The following SNX29 variants were observed in gnomAD, a reference collection of about 807,000 sequenced individuals.
SNX29 encodes the protein sorting nexin 29.
Under a neutral mutation model 102.1 loss-of-function variants are expected in SNX29, and 78 were observed. The observed-to-expected ratio is 0.76, with a 90% CI of 0.64 to 0.92. The LOEUF (loss-of-function observed/expected upper bound fraction) is 0.92. SNX29 is among the 40% of genes least tolerant of loss of function. The pLI, the probability that SNX29 is intolerant of heterozygous loss-of-function variation, is 0.00. For missense variants in SNX29, 1,280 were observed against 1,061.7 expected (o/e 1.21, Z -2.86); for synonymous variants, 580 against 414.5 (o/e 1.40, Z -4.85).
chr16:12,227,919 A>G (rs1439143935), intron 14 of SNX29, among the ~76,000 whole-genome samples: 1 of 151,198 alleles, frequency 6.6e-6, no homozygotes, highest in East Asian at 1.9e-4. Context: ...AAAAAAAAAA[A>G]AAAAAAAGAC....
At chr16:12,019,136 C>T (rs115707677) in intron 3 of SNX29, among the ~76,000 whole-genome samples, 1 of 152,216 alleles carries the variant, frequency 6.6e-6, no homozygotes, top group African/African-American at 2.4e-5. Context: ...AGCCCGAATA[C>T]TTTTTTAAAT....
intron 13 of SNX29, among the ~76,000 whole-genome samples, chr16:12,135,398 A>C (rs1481797407): frequency 6.6e-6 from 1 of 152,230 alleles, no homozygotes; most frequent in East Asian, 1.9e-4. Flanking sequence ...AGGGCTCCAG[A>C]GGATGGCAGC....
At chr16:12,423,184 A>G (rs77005250) in intron 18 of SNX29, among the ~76,000 whole-genome samples, 2,524 of 151,838 alleles carry the variant, frequency 0.017, 79 homozygotes, top group African/African-American at 0.058. Context: ...TTACTCACCA[A>G]TGCATGGGGT....
At chr16:12,488,763 A>G (rs748263611) in intron 19 of SNX29, among the ~76,000 whole-genome samples, 13 of 152,130 alleles carry the variant, frequency 8.5e-5, no homozygotes, top group Non-Finnish European at 1.5e-4. Flanking sequence ...ATTTCCATGA[A>G]GACTCTGCCT....
intron 20 of SNX29, among the ~76,000 whole-genome samples, chr16:12,541,052 T>C (rs2077312101): frequency 6.6e-6 from 1 of 152,142 alleles, no homozygotes; most frequent in Non-Finnish European, 1.5e-5. Context: ...CTGGCTGCTA[T>C]TTAGTTTCCT....
At chr16:12,150,272 C>T (rs983763598) in intron 13 of SNX29, among the ~76,000 whole-genome samples, 1 of 152,142 alleles carries the variant, frequency 6.6e-6, no homozygotes, top group Non-Finnish European at 1.5e-5. Context: ...TGATGATGGT[C>T]AGATCCAAAG....
chr16:12,178,336 A>G lies in SNX29; in HGVS notation c.1596-21265A>G, dbSNP rs561554283. 3.3e-5 allele frequency among the ~76,000 whole-genome samples: 5 copies of G among 152,236 alleles called. No individual in the cohort carries two copies. In the South Asian group the frequency reaches 1.0e-3, roughly 32 times the overall value. ...GGCGCCGGTGCTGGGAGAGGCATGT[A>G]AACTGTTAGCAGCCAGAAGAGGTGG... On this transcript the variant is annotated intron_variant, in intron 13 of 20. Transcript: ENST00000566228.
chr16:12,374,650 C>T (rs1409943055), intron 16 of SNX29: 1 of 152,222 alleles, frequency 6.6e-6, no homozygotes, highest in East Asian at 1.9e-4. Flanking sequence ...GTGTGGGCCT[C>T]TGGGTCATGG....
rs1349324329 is a variant in SNX29, at chr16:12,218,381, CTA to C, written c.1678+18700_1678+18701del. On this transcript the variant is annotated intron_variant, in intron 14 of 20. Coordinates refer to ENST00000566228, the MANE Select transcript of SNX29 (RefSeq NM_032167.5). ...TCTTTTCCAAAAATGGAATTACAGT[CTA>C]TGTCAGGAGTTGGGAAACCATGGCC... Among the ~76,000 whole-genome samples, 122 of 152,322 alleles carry C rather than the reference CTA, an allele frequency of 8.0e-4. 3 individuals are homozygous for C. The South Asian group carries it at 0.025, about 31-fold the overall frequency.
In SNX29 at chr16:12,571,596, A is replaced by G. The variant is rs915423337; in HGVS notation, c.*2967A>G. 15 of 1,060,170 alleles carry G rather than the reference A, an allele frequency of 1.4e-5. No homozygotes were observed. The highest frequency in any genetic ancestry group is 1.5e-5 in the Non-Finnish European group (13 of 875,838). The allele number at this position is 1,060,170 out of a possible 1,614,324, so 65.7% of individuals were successfully genotyped here. On this transcript the variant is annotated 3_prime_UTR_variant, in exon 21 of 21. Coordinates refer to ENST00000566228, the MANE Select transcript of SNX29 (RefSeq NM_032167.5). ...TCTTCATGGCCTGCTGTGCTGAAAC[A>G]GAACAGCAGGTTCCATCTTTCACAT... is the stretch of plus-strand genomic sequence containing the variant.
At chr16:12,368,393 C>G (rs183787707) in intron 16 of SNX29, among the ~76,000 whole-genome samples, 338 of 152,326 alleles carry the variant, frequency 2.2e-3, no homozygotes, top group Non-Finnish European at 3.8e-3. Context: ...ACTTGGTACT[C>G]TATAATGACT....
intron 19 of SNX29, among the ~76,000 whole-genome samples, chr16:12,523,971 C>T (rs2090199107): frequency 6.6e-6 from 1 of 152,162 alleles, no homozygotes. Flanking sequence ...ACCACAGCCT[C>T]TGCCTCCCGG....
At chr16:12,288,928 C>T (rs1334522489) in intron 15 of SNX29, among the ~76,000 whole-genome samples, 5 of 152,136 alleles carry the variant, frequency 3.3e-5, no homozygotes, top group East Asian at 1.9e-4. Context: ...TTCCCATCGC[C>T]CTCTGTGGCC....
chr16:12,554,006 G>A (rs756090792), intron 20 of SNX29, among the ~76,000 whole-genome samples: 2 of 152,036 alleles, frequency 1.3e-5, no homozygotes, highest in South Asian at 2.1e-4. Flanking sequence ...TGTATTTTTA[G>A]TAGAGACAGC....
intron 14 of SNX29, among the ~76,000 whole-genome samples, chr16:12,261,565 T>G (rs9940888): frequency 4.7e-5 from 5 of 106,150 alleles, no homozygotes; most frequent in African/African-American, 1.9e-4. Flanking sequence ...GCTCTGAGCT[T>G]CGGTCTGTGT....
chr16:12,374,059 T>C (rs1726743837), intron 16 of SNX29, among the ~76,000 whole-genome samples: 1 of 152,220 alleles, frequency 6.6e-6, no homozygotes, highest in African/African-American at 2.4e-5. Flanking sequence ...GAGCAAGGGC[T>C]GGCTAGCAGA....
At chr16:12,089,714 C>T (rs967482925) in intron 11 of SNX29, 4 of 217,420 alleles carry the variant, frequency 1.8e-5, no homozygotes, top group Non-Finnish European at 9.8e-6. Context: ...TTTTATCCCA[C>T]GTACAATGGG....
intron 20 of SNX29, among the ~76,000 whole-genome samples, chr16:12,550,699 C>T (rs75958537): frequency 0.032 from 4,810 of 152,188 alleles, 127 homozygotes; most frequent in South Asian, 0.075. Context: ...GTATTCACCC[C>T]CCTCATGCTC....
chr16:12,411,316 CAGACCAGGGG>C (rs1299192033), intron 18 of SNX29, among the ~76,000 whole-genome samples: 1 of 152,154 alleles, frequency 6.6e-6, no homozygotes, highest in Admixed American at 6.5e-5. Context: ...CAGGCCAAGC[CAGACCAGGGG>C]AGCACTTGCC....
Sources: gnomAD v4.1 joint callset for allele counts (sites outside exome capture counted in the v4.1 genomes callset) on GRCh38, gnomAD v4.1.1 for gene constraint, MANE v1.5 for transcripts, NCBI Gene and HGNC (gene_info 2026-07-23, HGNC 2026-07-21) for gene names.